ZNF804A: variants seen among roughly 807,000 people sequenced by gnomAD.
ZNF804A encodes zinc finger protein 804A.
A neutral mutation model predicts 16.5 loss-of-function variants in ZNF804A; 2 were observed. That is an observed-to-expected ratio of 0.12 (90% CI 0.05 to 0.38). The LOEUF is 0.38. Among genes scored for constraint, ZNF804A ranks in the 10% least tolerant of loss-of-function variants. The pLI is 0.99. For synonymous variants in ZNF804A, 534 were observed against 489.6 expected, an observed-to-expected ratio of 1.09 and a Z score of -1.20; for missense variants, 1,473 against 1,390.7, an observed-to-expected ratio of 1.06 and a Z score of -0.94.
intron 1 of ZNF804A, among the ~76,000 whole-genome samples, chr2:184,599,752 C>A (rs963466474): frequency 1.3e-5 from 2 of 152,238 alleles, no homozygotes; most frequent in Non-Finnish European, 2.9e-5. Context: ...CTGGAAGGTT[C>A]TCACTGGATC....
chr2:184,779,131 C>G (rs1694335612), intron 1 of ZNF804A, among the ~76,000 whole-genome samples: 1 of 151,536 alleles, frequency 6.6e-6, no homozygotes, highest in South Asian at 2.1e-4. Flanking sequence ...AAAAAATACT[C>G]TTGTGGTTCT....
chr2:184,619,276 A>G (rs779997128), intron 1 of ZNF804A, among the ~76,000 whole-genome samples: 1 of 152,224 alleles, frequency 6.6e-6, no homozygotes, highest in Admixed American at 6.6e-5. Context: ...GATCAAGATA[A>G]CAACTATAAT....
chr2:184,783,216 C>A (rs1694400312), intron 1 of ZNF804A, among the ~76,000 whole-genome samples: 1 of 128,046 alleles, frequency 7.8e-6, no homozygotes, highest in Non-Finnish European at 1.6e-5. Flanking sequence ...GATAGACTAC[C>A]ACTGTGAGTG....
In ZNF804A at chr2:184,751,137, G is replaced by A. The variant is rs536121016; in HGVS notation, c.112-115232G>A. ...CTGTGAATAATGCTACAATCAACACGTGAGTGCAGATATTTCTCCAAGATC... is the reference window on the plus strand; with the variant it reads ...CTGTGAATAATGCTACAATCAACACATGAGTGCAGATATTTCTCCAAGATC... On this transcript the variant is annotated intron_variant, in intron 1 of 3. Coordinates refer to ENST00000302277, the MANE Select transcript of ZNF804A (RefSeq NM_194250.2). Among the ~76,000 whole-genome samples the A allele has an allele frequency of 7.3e-5, 11 of 151,574 alleles. No individual in the cohort carries two copies. In the South Asian group the frequency reaches 1.5e-3, roughly 20 times the overall value.
intron 1 of ZNF804A, among the ~76,000 whole-genome samples, chr2:184,659,296 T>A (rs1421571158): frequency 6.6e-6 from 1 of 152,168 alleles, no homozygotes; most frequent in Non-Finnish European, 1.5e-5. Context: ...TATTGTCATA[T>A]ATAGTCTGGC....
chr2:184,751,757 C>G (rs975272130), intron 1 of ZNF804A, among the ~76,000 whole-genome samples: 4 of 151,472 alleles, frequency 2.6e-5, no homozygotes, highest in African/African-American at 9.7e-5. Flanking sequence ...TATCCAGAAC[C>G]AACAAGTAAC....
intron 1 of ZNF804A, 80 bp downstream of exon 1, chr2:184,599,150 A>G: frequency 8.6e-7 from 1 of 1,162,730 alleles, no homozygotes; most frequent in Non-Finnish European, 1.3e-6. Context: ...AGGTTTTGAG[A>G]TTCAGTTTGG....
intron 1 of ZNF804A, among the ~76,000 whole-genome samples, chr2:184,816,461 T>C (rs1038634061): frequency 6.6e-6 from 1 of 152,076 alleles, no homozygotes; most frequent in African/African-American, 2.4e-5. Flanking sequence ...TTCTAAGTAA[T>C]TGTAAGATTG....
intron 1 of ZNF804A, among the ~76,000 whole-genome samples, chr2:184,687,257 A>G (rs978478809): frequency 6.6e-6 from 1 of 152,228 alleles, no homozygotes; most frequent in African/African-American, 2.4e-5. Context: ...CAGTTATCCC[A>G]GCACTATTTA....
At chr2:184,784,956 A>G (rs1694424886) in intron 1 of ZNF804A, among the ~76,000 whole-genome samples, 1 of 151,962 alleles carries the variant, frequency 6.6e-6, no homozygotes, top group African/African-American at 2.4e-5. Context: ...CTTGAGAGAC[A>G]AGCTTCCCTA....
chr2:184,717,717 G>A (rs970954719), intron 1 of ZNF804A, among the ~76,000 whole-genome samples: 48 of 152,230 alleles, frequency 3.2e-4, no homozygotes, highest in African/African-American at 1.2e-3. Flanking sequence ...GCATGTTTAT[G>A]GAGTACATGT....
At chr2:184,791,745 A>G (rs1322455210) in intron 1 of ZNF804A, among the ~76,000 whole-genome samples, 1 of 152,154 alleles carries the variant, frequency 6.6e-6, no homozygotes, top group African/African-American at 2.4e-5. Context: ...GGTGTTTCAT[A>G]TTCTATGAGT....
At chr2:184,810,994 T>C (rs1694890599) in intron 1 of ZNF804A, among the ~76,000 whole-genome samples, 1 of 152,186 alleles carries the variant, frequency 6.6e-6, no homozygotes, top group African/African-American at 2.4e-5. Context: ...ACGCTCAACA[T>C]TAATTTTTAC....
chr2:184,618,515 T>C (rs902089916), intron 1 of ZNF804A, among the ~76,000 whole-genome samples: 3 of 152,122 alleles, frequency 2.0e-5, no homozygotes, highest in African/African-American at 7.2e-5. Context: ...ATTTTTCTAA[T>C]ACAGTTAGGT....
At chr2:184,797,856 G>A (rs1478272362) in intron 1 of ZNF804A, among the ~76,000 whole-genome samples, 1 of 151,994 alleles carries the variant, frequency 6.6e-6, no homozygotes, top group Admixed American at 6.6e-5. Flanking sequence ...TCCAGGATGC[G>A]TTTCAAGATT....
intron 1 of ZNF804A, among the ~76,000 whole-genome samples, chr2:184,848,433 T>C (rs775504024): frequency 6.6e-6 from 1 of 151,950 alleles, no homozygotes; most frequent in Non-Finnish European, 1.5e-5. Context: ...CCTGAATAAA[T>C]TTTCTCTTTA....
In ZNF804A at chr2:184,843,426, C is replaced by T. The variant is rs192186674; in HGVS notation, c.112-22943C>T. ...TACAGGCACCTGCCACCATGCCCGG[C>T]TAATTTTTTTTTTGTGTGTGTGTTT... On this transcript the variant is annotated intron_variant, in intron 1 of 3. Coordinates refer to ENST00000302277, the MANE Select transcript of ZNF804A (RefSeq NM_194250.2). 2.0e-5 allele frequency among the ~76,000 whole-genome samples: 3 copies of T among 151,978 alleles called. No individual in the cohort carries two copies. The East Asian group carries it at 5.8e-4, about 30-fold the overall frequency.
intron 1 of ZNF804A, among the ~76,000 whole-genome samples, chr2:184,791,007 T>A (rs984786994): frequency 2.0e-5 from 3 of 152,222 alleles, no homozygotes; most frequent in African/African-American, 7.2e-5. Context: ...TGCTCACTTT[T>A]GTTTTCTATT....
At chr2:184,750,119 T>C (rs889982968) in intron 1 of ZNF804A, among the ~76,000 whole-genome samples, 2 of 151,454 alleles carry the variant, frequency 1.3e-5, no homozygotes, top group Non-Finnish European at 3.0e-5. Flanking sequence ...TTATGATGTA[T>C]ATTTACTTGT....
Sources: gnomAD v4.1 joint callset for allele counts (sites outside exome capture counted in the v4.1 genomes callset) on GRCh38, gnomAD v4.1.1 for gene constraint, MANE v1.5 for transcripts, NCBI Gene and HGNC (gene_info 2026-07-23, HGNC 2026-07-21) for gene names.